The following WSCD2 variants were observed in gnomAD, a reference collection of about 807,000 sequenced individuals.
WSCD2 encodes the protein WSC domain sialate O sulfotransferase 2, also known as sialate:O-sulfotransferase 2.
WSCD2 carries 28 observed loss-of-function variants against 55.7 expected under a neutral mutation model. That is an observed-to-expected ratio of 0.50 (90% confidence interval 0.37 to 0.69). The LOEUF (loss-of-function observed/expected upper bound fraction) is 0.69, where lower values mean the gene tolerates loss of function less well. Among genes scored for constraint, WSCD2 ranks in the 30% least tolerant of loss-of-function variants. The pLI, the probability that WSCD2 is intolerant of heterozygous loss-of-function variation, is 0.00. For missense variants in WSCD2, 616 were observed against 762.1 expected (o/e 0.81, Z 2.26); for synonymous variants, 301 against 301.9 (o/e 1.00, Z 0.03).
chr12:108,139,190 C>T (rs1330679912), intron 1 of WSCD2, among the ~76,000 whole-genome samples: 1 of 152,190 alleles, frequency 6.6e-6, no homozygotes, highest in Non-Finnish European at 1.5e-5. Flanking sequence ...GTGTGAGTTC[C>T]TGGATCATTC....
intron 1 of WSCD2, among the ~76,000 whole-genome samples, chr12:108,169,274 A>G (rs1226645201): frequency 1.3e-5 from 2 of 152,210 alleles, no homozygotes; most frequent in Non-Finnish European, 2.9e-5. Context: ...ATGTAATAAT[A>G]ATAGAAATAA....
intron 1 of WSCD2, among the ~76,000 whole-genome samples, chr12:108,183,781 G>C (rs758735328): frequency 6.6e-5 from 10 of 152,154 alleles, no homozygotes; most frequent in African/African-American, 1.2e-4. Context: ...ATAGAGGTTA[G>C]GATTAAGGGT....
At chr12:108,209,078 C>A (rs7313266) in intron 3 of WSCD2, among the ~76,000 whole-genome samples, 3,492 of 152,028 alleles carry the variant, frequency 0.023, 64 homozygotes, top group Non-Finnish European at 0.035. Flanking sequence ...CTTCCTACTC[C>A]CAGAGCCAGA....
intron 1 of WSCD2, among the ~76,000 whole-genome samples, chr12:108,137,504 G>A (rs1423718297): frequency 6.6e-6 from 1 of 152,194 alleles, no homozygotes; most frequent in African/African-American, 2.4e-5. Flanking sequence ...AGTGACAGCA[G>A]GCAGAAGCAA....
chr12:108,190,836 G>C (rs1246956491), intron 1 of WSCD2, among the ~76,000 whole-genome samples: 2 of 152,212 alleles, frequency 1.3e-5, no homozygotes, highest in East Asian at 3.9e-4. Flanking sequence ...TAACAGATGG[G>C]GAAACTGAGG....
At chr12:108,149,475 C>G (rs975479786) in intron 1 of WSCD2, among the ~76,000 whole-genome samples, 1 of 152,168 alleles carries the variant, frequency 6.6e-6, no homozygotes, top group African/African-American at 2.4e-5. Flanking sequence ...CAGTATGCAC[C>G]AACATCGGCC....
At chr12:108,149,110 G>A (rs753583230) in intron 1 of WSCD2, among the ~76,000 whole-genome samples, 30 of 152,290 alleles carry the variant, frequency 2.0e-4, no homozygotes, top group Non-Finnish European at 4.4e-4. Context: ...TGATTTGCAG[G>A]AAACCCTGTA....
intron 4 of WSCD2, among the ~76,000 whole-genome samples, chr12:108,218,459 A>G (rs7964556): frequency 0.75 from 114,369 of 152,142 alleles, 43,169 homozygotes; most frequent in East Asian, 0.87. Context: ...CTGGGCTAGG[A>G]TGGGTCCCCT....
chr12:108,141,542 C>G (rs929121038), intron 1 of WSCD2, among the ~76,000 whole-genome samples: 1 of 152,178 alleles, frequency 6.6e-6, no homozygotes, highest in Non-Finnish European at 1.5e-5. Flanking sequence ...GCCCATATTC[C>G]TTGGTTCATA....
intron 1 of WSCD2, among the ~76,000 whole-genome samples, chr12:108,163,230 G>A (rs766357826): frequency 1.3e-4 from 20 of 152,078 alleles, no homozygotes; most frequent in Admixed American, 5.9e-4. Flanking sequence ...TTAGCTGGGC[G>A]TGGTGGCGGG....
rs1890306052 is a variant in WSCD2 at position 108,249,405 on chromosome 12, T to A, written c.*1062T>A. ...CTTGGGGGCCCTTTAAGGAATGGGG[T>A]GAATGAAATTGTGTCATTTCTATAC... On this transcript the variant is annotated 3_prime_UTR_variant, in exon 9 of 9. Transcript: ENST00000547525. The A allele has an allele frequency of 6.6e-6, 1 of 152,296 alleles. No homozygotes were observed. The highest frequency in any genetic ancestry group is 2.4e-5 in the African/African-American group (1 of 41,418). The allele number at this position is 152,296 out of a possible 1,614,324, so 9.4% of individuals were successfully genotyped here.
chr12:108,169,617 T>C (rs528628342), intron 1 of WSCD2, among the ~76,000 whole-genome samples: 1 of 152,178 alleles, frequency 6.6e-6, no homozygotes, highest in South Asian at 2.1e-4. Context: ...GCCTGGAGTT[T>C]AGGAAGACCC....
chr12:108,244,729 C>T, intron 8 of WSCD2: 1 of 656,510 alleles, frequency 1.5e-6, no homozygotes, highest in Admixed American at 2.1e-5. Context: ...AAACAGACCC[C>T]AGGTCTCAGA....
At chr12:108,246,141 C>G (rs1027845175) in intron 8 of WSCD2, among the ~76,000 whole-genome samples, 10 of 152,262 alleles carry the variant, frequency 6.6e-5, no homozygotes, top group Admixed American at 2.0e-4. Context: ...TCCTTCCTGG[C>G]TGTGTGGCCA....
At chr12:108,238,791 C>T (rs2137221392) in intron 7 of WSCD2, among the ~76,000 whole-genome samples, 1 of 152,278 alleles carries the variant, frequency 6.6e-6, no homozygotes, top group South Asian at 2.1e-4. Flanking sequence ...TATCCAAATG[C>T]CTTAGCTTGC....
At chr12:108,239,020 T>C (rs902931600) in intron 7 of WSCD2, among the ~76,000 whole-genome samples, 2 of 152,208 alleles carry the variant, frequency 1.3e-5, no homozygotes, top group Non-Finnish European at 2.9e-5. Flanking sequence ...TGCACAGAAC[T>C]TCTCTCAGCT....
At position 108,248,828 on chromosome 12, in the gene WSCD2, C is replaced by G; in HGVS notation, c.*485C>G. On this transcript the variant is annotated 3_prime_UTR_variant, in exon 9 of 9. Coordinates refer to ENST00000547525, the MANE Select transcript of WSCD2 (RefSeq NM_014653.4). This position sits in a 1 kb window ranked among gnomAD's most constrained non-coding sequence, Gnocchi z 4.3. The stretch of plus-strand genomic sequence containing the variant: ...ATCTCCACCCAAGAAGTGCTGGCAC[C>G]GATGTTTAACTCAGGCCACCTTCTG... 1.0e-6 allele frequency: 1 copy of G among 989,678 alleles called. No homozygotes were observed. The highest frequency in any genetic ancestry group is 1.2e-6 in the Non-Finnish European group (1 of 832,134). 61.3% of individuals were successfully genotyped at this position (989,678 alleles called of 1,614,324 possible). A position where few individuals can be genotyped will look rare whatever the true frequency, so the allele number is the denominator to read the frequency against.
At chr12:108,230,242 T>G (rs1000184132) in intron 6 of WSCD2, among the ~76,000 whole-genome samples, 4 of 152,196 alleles carry the variant, frequency 2.6e-5, no homozygotes, top group Non-Finnish European at 5.9e-5. Flanking sequence ...GGGCTCCTTT[T>G]TGCAGTGTAT....
intron 3 of WSCD2, among the ~76,000 whole-genome samples, chr12:108,209,133 T>C (rs1420497285): frequency 1.3e-5 from 2 of 152,138 alleles, no homozygotes. Context: ...GGGTAGCCAC[T>C]AAGCGTCCTT....
Sources: allele counts gnomAD v4.1 joint callset (sites outside exome capture counted in the v4.1 genomes callset), GRCh38; gene constraint gnomAD v4.1.1; non-coding constraint Gnocchi (gnomAD v3.1); transcripts MANE v1.5; gene names NCBI Gene and HGNC (gene_info 2026-07-23, HGNC 2026-07-21).